APOB: variants seen among roughly 807,000 people sequenced by gnomAD.
APOB encodes the protein apolipoprotein B-100.
In APOB, 153 loss-of-function variants were observed where a neutral mutation model predicts 314.1. That is an observed-to-expected ratio of 0.49 (90% confidence interval 0.43 to 0.56). The LOEUF is 0.56. APOB is among the 20% of genes least tolerant of loss of function. The pLI is 0.00. For synonymous variants in APOB, 2,087 were observed against 2,036.4 expected (o/e 1.02, Z -0.67); for missense variants, 5,430 against 5,350.7 (o/e 1.01, Z -0.46).
chr2:21,037,351 G>A (rs1664030744), intron 5 of APOB, 96 bp from the exon 6 acceptor site: 2 of 1,313,216 alleles, frequency 1.5e-6, no homozygotes, highest in Non-Finnish European at 2.2e-6. Flanking sequence ...AGAAAAAGCA[G>A]AAGGAATCTA....
At chr2:21,043,305 CT>C (rs1235876766) in intron 2 of APOB, among the ~76,000 whole-genome samples, 1 of 151,882 alleles carries the variant, frequency 6.6e-6, no homozygotes, top group Non-Finnish European at 1.5e-5. Context: ...CCAGGCTGAA[CT>C]TTTGGGACAG....
In APOB at chr2:21,029,702, C is replaced by A. The variant is rs778274241; in HGVS notation, c.1554G>T (p.Lys518Asn). The change falls in exon 12 of 29, where the codon AAG (lysine) becomes AAT (asparagine). Residue 518 changes from lysine (K) to asparagine (N), a missense_variant. This residue lies in a region of APOB where 2,085 missense variants were observed against 2,079.7 expected (regional missense o/e 1.00). Transcript: ENST00000233242. ...SSILKCVQST[K>N]PSLMIQKAAI... The stretch of plus-strand genomic sequence containing the variant: ...CAGCTTTCTGGATCATCAGTGATGG[C>A]TTTGTACTTTGGACACATTTCAGGA... The A allele has an allele frequency of 3.1e-6, 5 of 1,614,140 alleles. No homozygotes were observed. Among genetic ancestry groups the A allele is most frequent in the Non-Finnish European group, 3.4e-6 (4 of 1,180,034 alleles).
At chr2:21,042,187 T>C (rs952520173) in intron 3 of APOB, among the ~76,000 whole-genome samples, 174 bp downstream of exon 3, 10 of 152,240 alleles carry the variant, frequency 6.6e-5, no homozygotes, top group African/African-American at 2.4e-4. Context: ...GCAATGTGGC[T>C]GACTTACAAA....
Position 21,042,404 on chromosome 2 carries a change from G to T in APOB, c.194C>A (p.Pro65His), listed in dbSNP as rs1224871215. The T allele has an allele frequency of 6.2e-7, 1 of 1,613,982 alleles. No homozygotes were observed. Among genetic ancestry groups the T allele is most frequent in the Non-Finnish European group, 8.5e-7 (1 of 1,180,032 alleles). ...NYEAESSSGV[P>H]GTADSRSATR... Reference sequence around the variant, plus strand: ...GGCACTTCTTGAATCAGCAGTCCCAGGGACTCCACTGGAACTCTCAGCCTC... The same window carrying T: ...GGCACTTCTTGAATCAGCAGTCCCATGGACTCCACTGGAACTCTCAGCCTC... The change falls in exon 3 of 29, where the codon CCT (proline) becomes CAT (histidine). Residue 65 changes from proline (P) to histidine (H), a missense_variant. By Grantham distance (77) the Pro-to-His change is moderately conservative. Coordinates refer to ENST00000233242, the MANE Select transcript of APOB (RefSeq NM_000384.3).
In APOB at chr2:21,011,765, C is replaced by A; in HGVS notation, c.5103G>T (p.Gly1701=). Residue 1701 remains glycine, a synonymous_variant, in exon 26 of 29, where the codon GGG becomes GGT. Transcript: ENST00000233242. ...GTGATAGCTCTGTGAGGGCGGCTTT[C>A]CCATCCAGACTGAATTTTGCATTGT... ...REHNAKFSLD[G]KAALTELSLG... 1 of 1,614,104 alleles carries A rather than the reference C, an allele frequency of 6.2e-7. No homozygotes were observed. The highest frequency in any genetic ancestry group is 8.5e-7 in the Non-Finnish European group (1 of 1,180,036).
At position 21,009,933 on chromosome 2, in the gene APOB, T is replaced by C. The variant is rs1421302435; in HGVS notation, c.6935A>G (p.Asp2312Gly). 5 of 1,613,696 alleles carry C rather than the reference T, an allele frequency of 3.1e-6. No individual in the cohort carries two copies. Among genetic ancestry groups the C allele is most frequent in the Non-Finnish European group, 4.2e-6 (5 of 1,179,702 alleles). The change falls in exon 26 of 29, where the codon GAC becomes GGC. Residue 2312 changes from aspartate (D) to glycine (G), a missense_variant. Asp to Gly is a moderately conservative substitution (Grantham distance 94). Transcript: ENST00000233242. Reference sequence around the variant, plus strand: ...AAAGTGTTTGACATGCTCAAGAATGTCATTTATTCTTTCAAATGAAATTGT... The same window carrying C: ...AAAGTGTTTGACATGCTCAAGAATGCCATTTATTCTTTCAAATGAAATTGT... ...GTTISFERINDILEHVKHFVI... is the reference protein window; with the variant it reads ...GTTISFERINGILEHVKHFVI...
Position 21,006,688 on chromosome 2 carries a change from T to C in APOB, c.10180A>G (p.Lys3394Glu). Residue 3394 changes from lysine to glutamate, a missense_variant, in exon 26 of 29, where the codon AAG becomes GAG. By Grantham distance (56) the Lys-to-Glu change is moderately conservative (BLOSUM62 1). This residue lies in a region of APOB where 3,281 missense variants were observed against 3,171.0 expected (regional missense o/e 1.03). Coordinates refer to ENST00000233242, the MANE Select transcript of APOB (RefSeq NM_000384.3). ...TTRLTRKRGL[K>E]LATALSLSNK... ...CTCAGAGACAGAGCTGTGGCTAACTTCAATCCCCTTTTTCTTGTCAATCTT... is the reference window on the plus strand; with the variant it reads ...CTCAGAGACAGAGCTGTGGCTAACTCCAATCCCCTTTTTCTTGTCAATCTT... 1 of 1,614,114 alleles carries C rather than the reference T, an allele frequency of 6.2e-7. No homozygotes were observed. The highest frequency in any genetic ancestry group is 8.5e-7 in the Non-Finnish European group (1 of 1,179,988).
Position 21,010,663 on chromosome 2 carries a change from T to C in APOB, c.6205A>G (p.Ile2069Val). ...AAGGTCTCAAAAAATGGGAGGTTAA[T>C]GGAGTGAACATCTTGGTTTTTATCA... ...KYDKNQDVHS[I>V]NLPFFETLQE... Residue 2069 changes from isoleucine (I) to valine (V), a missense_variant, in exon 26 of 29, where the codon ATT (isoleucine) becomes GTT (valine). Physicochemically the swap from Ile to Val is conservative, Grantham distance 29. This residue lies in a region of APOB where 3,281 missense variants were observed against 3,171.0 expected (regional missense o/e 1.03). Coordinates refer to ENST00000233242, the MANE Select transcript of APOB (RefSeq NM_000384.3). 2 of 1,614,122 alleles carry C rather than the reference T, an allele frequency of 1.2e-6. No homozygotes were observed. Among genetic ancestry groups the C allele is most frequent in the Non-Finnish European group, 1.7e-6 (2 of 1,180,002 alleles).
chr2:21,008,720 G>A lies in APOB; in HGVS notation c.8148C>T (p.Ile2716=), dbSNP rs6413458. 30,896 of 1,614,008 alleles carry A rather than the reference G, an allele frequency of 0.019. 404 individuals carry two copies. The highest frequency in any genetic ancestry group is 0.032 in the African/African-American group (2,431 of 75,020). ...TTGGGATTATGAATTCTGGAATTGCGATTTCTGGTAAACGGAAGTCTGGCA... is the reference window on the plus strand; with the variant it reads ...TTGGGATTATGAATTCTGGAATTGCAATTTCTGGTAAACGGAAGTCTGGCA... ...ITLPDFRLPE[I]AIPEFIIPTL... is the part of the protein sequence containing the mutation. The change falls in exon 26 of 29, where the codon ATC becomes ATT. Residue 2716 remains isoleucine (I), a synonymous_variant. Transcript: ENST00000233242.
At chr2:21,030,720 G>T (rs968050552) in intron 10 of APOB, among the ~76,000 whole-genome samples, 39 of 151,990 alleles carry the variant, frequency 2.6e-4, no homozygotes, top group Non-Finnish European at 2.1e-4. Context: ...ACTAATATCC[G>T]GAATGTACAA....
In APOB at chr2:21,003,185, C is replaced by A. The variant is rs560078866; in HGVS notation, c.12237G>T (p.Gly4079=). The change falls in exon 29 of 29, where the codon GGG becomes GGT. Residue 4079 remains glycine, a synonymous_variant. Coordinates refer to ENST00000233242, the MANE Select transcript of APOB (RefSeq NM_000384.3). ...ACTTGTTGACATAATCATAAAGGAC[C>A]CCTGTGGCCTTGGGCACGTTGTCTT... is the stretch of plus-strand genomic sequence containing the variant. The part of the protein sequence containing the change: ...SLKDNVPKAT[G]VLYDYVNKYH... The A allele has an allele frequency of 6.2e-7, 1 of 1,613,926 alleles. No homozygotes were observed. Among genetic ancestry groups the A allele is most frequent in the South Asian group, 1.1e-5 (1 of 91,060 alleles).
chr2:21,013,472 A>G lies in APOB; in HGVS notation c.3904T>C (p.Phe1302Leu), dbSNP rs201926213. 2.3e-5 allele frequency: 37 copies of G among 1,614,064 alleles called. No homozygotes were observed. The highest frequency in any genetic ancestry group is 1.3e-5 in the African/African-American group (1 of 74,918). The change falls in exon 25 of 29, where the codon TTT becomes CTT. Residue 1302 changes from phenylalanine to leucine, a missense_variant. Phe to Leu is a conservative substitution (Grantham distance 22, BLOSUM62 0). This residue lies in a region of APOB where 2,085 missense variants were observed against 2,079.7 expected (regional missense o/e 1.00). Coordinates refer to ENST00000233242, the MANE Select transcript of APOB (RefSeq NM_000384.3). ...NSLKIEIPLPFGGKSSRDLKM... is the reference protein window; with the variant it reads ...NSLKIEIPLPLGGKSSRDLKM... ...AGATCTCTGGAGGATTTGCCACCAA[A>G]AGGCAAAGGAATCTCAATTTTCAAA...
At chr2:21,025,558 A>G (rs1040285306) in intron 15 of APOB, among the ~76,000 whole-genome samples, 16 of 152,262 alleles carry the variant, frequency 1.1e-4, no homozygotes, top group South Asian at 6.2e-4. Context: ...TTGATCCTAG[A>G]CAAGTTCTTC....
At position 21,007,057 on chromosome 2, in the gene APOB, C is replaced by G. The variant is rs142422341; in HGVS notation, c.9811G>C (p.Gly3271Arg). Residue 3271 changes from glycine to arginine, a missense_variant, in exon 26 of 29, where the codon GGC (glycine) becomes CGC (arginine). By Grantham distance (125) the Gly-to-Arg change is moderately radical. This residue lies in a region of APOB where 3,281 missense variants were observed against 3,171.0 expected (regional missense o/e 1.03). Coordinates refer to ENST00000233242, the MANE Select transcript of APOB (RefSeq NM_000384.3). ...CTGACTGCTTTTGGGAACACATAGC[C>G]GAATGCCGACATCTCTATGGTGAAT... The part of the protein sequence containing the change: ...SPFTIEMSAF[G>R]YVFPKAVSMP... The G allele has an allele frequency of 1.2e-6, 2 of 1,613,930 alleles. No individual in the cohort carries two copies. Among genetic ancestry groups the G allele is most frequent in the South Asian group, 2.2e-5 (2 of 91,082 alleles).
intron 3 of APOB, among the ~76,000 whole-genome samples, chr2:21,041,558 TC>T (rs1339781798): frequency 6.6e-6 from 1 of 152,252 alleles, no homozygotes; most frequent in Non-Finnish European, 1.5e-5. Flanking sequence ...AGCTGGAGTT[TC>T]AACGGATTCC....
chr2:21,034,911 A>C lies in APOB; in HGVS notation c.819-10T>G, dbSNP rs749762235. On this transcript the variant is annotated splice_polypyrimidine_tract_variant and intron_variant, in intron 7 of 28. Transcript: ENST00000233242. Reference sequence around the variant, plus strand: ...CATCCCATACTTATTCCTGGTAACCAAGGAAGCACACCATGTCACGGATGG... The same window carrying C: ...CATCCCATACTTATTCCTGGTAACCCAGGAAGCACACCATGTCACGGATGG... 4 of 1,394,836 alleles carry C rather than the reference A, an allele frequency of 2.9e-6. No individual in the cohort carries two copies. The highest frequency in any genetic ancestry group is 3.1e-6 in the Non-Finnish European group (3 of 979,754). The allele number at this position is 1,394,836 out of a possible 1,614,324, so 86.4% of individuals were successfully genotyped here.
Position 21,032,597 on chromosome 2 carries a change from T to C in APOB, c.1125-16A>G. ...AGTGATGGGGCTGAGAAGAAAGACATGGATAAAGTTATACAGACCACCTTC... is the reference window on the plus strand; with the variant it reads ...AGTGATGGGGCTGAGAAGAAAGACACGGATAAAGTTATACAGACCACCTTC... On this transcript the variant is annotated splice_polypyrimidine_tract_variant and intron_variant, in intron 9 of 28. Coordinates refer to ENST00000233242, the MANE Select transcript of APOB (RefSeq NM_000384.3). 1 of 1,604,780 alleles carries C rather than the reference T, an allele frequency of 6.2e-7. No homozygotes were observed. The highest frequency in any genetic ancestry group is 8.5e-7 in the Non-Finnish European group (1 of 1,171,972).
chr2:21,025,191 G>A, intron 15 of APOB, 67 bp from the exon 16 acceptor site: 1 of 1,502,088 alleles, frequency 6.7e-7, no homozygotes, highest in Non-Finnish European at 9.2e-7. Context: ...AGTTCCCAAT[G>A]TGGGACCTGT....
At chr2:21,041,819 C>T (rs1664139072) in intron 3 of APOB, among the ~76,000 whole-genome samples, 1 of 152,210 alleles carries the variant, frequency 6.6e-6, no homozygotes. Context: ...ACTTCTCTTC[C>T]CCACCCAAAC....
Sources: allele counts gnomAD v4.1 joint callset (sites outside exome capture counted in the v4.1 genomes callset), GRCh38; gene constraint gnomAD v4.1.1; regional missense constraint gnomAD v4.1.1; transcripts MANE v1.5; gene names NCBI Gene and HGNC (gene_info 2026-07-23, HGNC 2026-07-21).